The following PPP1R9A variants were observed in gnomAD, a reference collection of about 807,000 sequenced individuals.
PPP1R9A encodes the protein neurabin-1.
Under a neutral mutation model 141.9 loss-of-function variants are expected in PPP1R9A, and 59 were observed. That is an observed-to-expected ratio of 0.42 (90% CI 0.34 to 0.52). The LOEUF (loss-of-function observed/expected upper bound fraction) is 0.52, where lower values mean the gene tolerates loss of function less well. Ranked by LOEUF, PPP1R9A falls within the 20% of genes least tolerant of loss-of-function variation. PPP1R9A has a pLI of 0.10. For synonymous variants in PPP1R9A, 500 were observed against 569.7 expected, an observed-to-expected ratio of 0.88 and a Z score of 1.74; for missense variants, 1,444 against 1,611.9, an observed-to-expected ratio of 0.90 and a Z score of 1.78.
At chr7:95,264,790 G>GA (rs1182969974) in intron 12 of PPP1R9A, among the ~76,000 whole-genome samples, 4 of 152,100 alleles carry the variant, frequency 2.6e-5, no homozygotes, top group Non-Finnish European at 5.9e-5. Flanking sequence ...GAGGGTCTGA[G>GA]AAAAATGGAA....
At chr7:95,141,628 T>C (rs1418496162) in intron 4 of PPP1R9A, among the ~76,000 whole-genome samples, 1 of 120,876 alleles carries the variant, frequency 8.3e-6, no homozygotes, top group South Asian at 2.5e-4. Context: ...TGTGGTCTTT[T>C]GTGACTGGCT....
At chr7:95,154,347 GT>G (rs1197204339) in intron 4 of PPP1R9A, among the ~76,000 whole-genome samples, 1 of 151,784 alleles carries the variant, frequency 6.6e-6, no homozygotes, top group African/African-American at 2.4e-5. Context: ...CTTGTTACTG[GT>G]TTTTAGTTAT....
At chr7:95,228,891 C>T (rs896055889) in intron 8 of PPP1R9A, among the ~76,000 whole-genome samples, 17 of 152,110 alleles carry the variant, frequency 1.1e-4, no homozygotes, top group African/African-American at 3.6e-4. Flanking sequence ...ACATAAGTTA[C>T]CTAAGTATCG....
intron 4 of PPP1R9A, among the ~76,000 whole-genome samples, chr7:95,126,139 A>C (rs2152504769): frequency 6.6e-6 from 1 of 152,242 alleles, no homozygotes; most frequent in African/African-American, 2.4e-5. Context: ...TACATTTAAA[A>C]CTTCAGTATC....
chr7:94,952,038 G>A (rs796562983), intron 2 of PPP1R9A, among the ~76,000 whole-genome samples: 31 of 151,654 alleles, frequency 2.0e-4, no homozygotes, highest in African/African-American at 4.6e-4. Flanking sequence ...TACATGTGCC[G>A]TGGTGGTTTG....
At chr7:94,968,394 G>A (rs1461218024) in intron 2 of PPP1R9A, among the ~76,000 whole-genome samples, 1 of 152,032 alleles carries the variant, frequency 6.6e-6, no homozygotes, top group Non-Finnish European at 1.5e-5. Flanking sequence ...GGATGGTCTC[G>A]ATCTCCTGAC....
chr7:95,177,075 C>G (rs1260549565), intron 5 of PPP1R9A, among the ~76,000 whole-genome samples: 1 of 152,078 alleles, frequency 6.6e-6, no homozygotes, highest in Admixed American at 6.6e-5. Context: ...ATCAGGTTAA[C>G]TAAAGTTAAG....
chr7:95,214,072 C>G (rs1013627940), intron 7 of PPP1R9A: 1 of 152,236 alleles, frequency 6.6e-6, no homozygotes, highest in Admixed American at 6.5e-5. Flanking sequence ...TGTTTCCAAG[C>G]CACTTCCCTG....
chr7:94,988,451 A>C lies in PPP1R9A; in HGVS notation c.1395+76943A>C, dbSNP rs139550811. On this transcript the variant is annotated intron_variant, in intron 2 of 19. Transcript: ENST00000433360. ...TTTTTTTGTTTTAGTAATGTTTCCAAGTGGTGACACTGTGTGTATTTAAGT... is the reference window on the plus strand; with the variant it reads ...TTTTTTTGTTTTAGTAATGTTTCCACGTGGTGACACTGTGTGTATTTAAGT... Among the ~76,000 whole-genome samples the C allele has an allele frequency of 6.0e-3, 918 of 152,104 alleles. 10 individuals carry two copies. Among genetic ancestry groups the C allele is most frequent in the African/African-American group, 0.021 (855 of 41,556 alleles).
At chr7:95,214,287 G>T (rs1338942152) in intron 7 of PPP1R9A, 2 of 152,192 alleles carry the variant, frequency 1.3e-5, no homozygotes, top group African/African-American at 4.8e-5. Context: ...ATGCTCCACT[G>T]GGAGAGGATC....
intron 2 of PPP1R9A, among the ~76,000 whole-genome samples, chr7:94,918,747 TAGG>T (rs1473673907): frequency 2.2e-4 from 34 of 152,120 alleles, no homozygotes; most frequent in Admixed American, 2.2e-3. Flanking sequence ...AAAAAGAATA[TAGG>T]AGACTTGAAG....
intron 7 of PPP1R9A, among the ~76,000 whole-genome samples, chr7:95,210,408 G>A (rs1476774337): frequency 6.6e-6 from 1 of 151,920 alleles, no homozygotes; most frequent in Non-Finnish European, 1.5e-5. Context: ...GGATATTTTT[G>A]TTGTTTTTGT....
chr7:95,185,740 C>T (rs1834552107), intron 5 of PPP1R9A, among the ~76,000 whole-genome samples: 1 of 152,158 alleles, frequency 6.6e-6, no homozygotes, highest in Non-Finnish European at 1.5e-5. Context: ...CATTCTTCTA[C>T]ATGTGGCTTT....
chr7:95,150,645 A>C (rs902788862), intron 4 of PPP1R9A, among the ~76,000 whole-genome samples: 4 of 152,192 alleles, frequency 2.6e-5, no homozygotes, highest in African/African-American at 9.7e-5. Flanking sequence ...TAATCTATGA[A>C]AGAAATAATT....
At chr7:95,180,903 G>C (rs1436804403) in intron 5 of PPP1R9A, among the ~76,000 whole-genome samples, 7 of 151,970 alleles carry the variant, frequency 4.6e-5, no homozygotes, top group Non-Finnish European at 8.8e-5. Context: ...AGTGATCATG[G>C]AACACTTCTA....
At chr7:95,196,073 G>T (rs1265361472) in intron 5 of PPP1R9A, among the ~76,000 whole-genome samples, 1 of 149,982 alleles carries the variant, frequency 6.7e-6, no homozygotes, top group South Asian at 2.1e-4. Context: ...ACACATACGT[G>T]TGTGTGTGTG....
rs774714565 is a variant in PPP1R9A at position 95,274,765 on chromosome 7, C to T, written c.3296+597C>T. Among the ~76,000 whole-genome samples the T allele has an allele frequency of 2.4e-4, 37 of 152,120 alleles. 1 individual carries two copies. The highest frequency in any genetic ancestry group is 3.2e-3 in the Middle Eastern group (1 of 316). ...TTTTCTGAGATTATATAATTTTAAGCTGAGATTTGTATAGGGAGTCAGTAA... is the reference window on the plus strand; with the variant it reads ...TTTTCTGAGATTATATAATTTTAAGTTGAGATTTGTATAGGGAGTCAGTAA... On this transcript the variant is annotated intron_variant, in intron 16 of 19. Transcript: ENST00000433360.
chr7:95,086,167 C>G (rs1055449079), intron 2 of PPP1R9A, among the ~76,000 whole-genome samples: 2 of 151,930 alleles, frequency 1.3e-5, no homozygotes, highest in Non-Finnish European at 2.9e-5. Context: ...CCAGTTTCCT[C>G]AATTGTTAAC....
At chr7:95,079,734 A>G (rs1815485245) in intron 2 of PPP1R9A, among the ~76,000 whole-genome samples, 1 of 152,248 alleles carries the variant, frequency 6.6e-6, no homozygotes, top group South Asian at 2.1e-4. Context: ...CAAAAGGCTT[A>G]TCCACCATGA....
Sources: allele counts gnomAD v4.1 joint callset (sites outside exome capture counted in the v4.1 genomes callset), GRCh38; gene constraint gnomAD v4.1.1; transcripts MANE v1.5; gene names NCBI Gene and HGNC (gene_info 2026-07-23, HGNC 2026-07-21).